The following ENOX1 variants were observed in gnomAD, a reference collection of about 807,000 sequenced individuals.
ENOX1 encodes ecto-NOX disulfide-thiol exchanger 1, also known as candidate growth-related and time keeping constitutive hydroquinone (NADH) oxidase.
In ENOX1, 42 loss-of-function variants were observed where a neutral mutation model predicts 82.5. The observed-to-expected ratio is 0.51, with a 90% CI of 0.40 to 0.66. The LOEUF (loss-of-function observed/expected upper bound fraction) is 0.66, where lower values mean the gene tolerates loss of function less well. ENOX1 is among the 30% of genes least tolerant of loss of function. The pLI is 0.00. For missense variants in ENOX1, 608 were observed against 811.6 expected (o/e 0.75, Z 3.05); for synonymous variants, 271 against 282.2 (o/e 0.96, Z 0.40).
At chr13:43,663,770 AT>A (rs1333731151) in intron 2 of ENOX1, among the ~76,000 whole-genome samples, 1 of 152,212 alleles carries the variant, frequency 6.6e-6, no homozygotes, top group African/African-American at 2.4e-5. Flanking sequence ...ATAATCGTAG[AT>A]TTAAAAAAAG....
intron 1 of ENOX1, among the ~76,000 whole-genome samples, chr13:43,751,461 C>A (rs748056392): frequency 6.6e-6 from 1 of 152,196 alleles, no homozygotes; most frequent in Non-Finnish European, 1.5e-5. Flanking sequence ...GTGAAACCAT[C>A]ATCACAATCA....
At chr13:43,541,785 T>C (rs528410916) in intron 2 of ENOX1, among the ~76,000 whole-genome samples, 13 of 152,338 alleles carry the variant, frequency 8.5e-5, no homozygotes, top group African/African-American at 2.9e-4. Context: ...ATGTTTGTAA[T>C]TGAAATAATA....
chr13:43,411,909 A>G lies in ENOX1; in HGVS notation c.208+7T>C, dbSNP rs2054151251. On this transcript the variant is annotated splice_region_variant and intron_variant, in intron 5 of 16. Coordinates refer to ENST00000690772, the MANE Select transcript of ENOX1 (RefSeq NM_001347969.2). ...GCAAGCATCTCTGAAACCAGGAGAAAGCTTACCAGACACGAGCTGCTGTCC... is the reference window on the plus strand; with the variant it reads ...GCAAGCATCTCTGAAACCAGGAGAAGGCTTACCAGACACGAGCTGCTGTCC... 2 of 1,614,106 alleles carry G rather than the reference A, an allele frequency of 1.2e-6. No individual in the cohort carries two copies. The highest frequency in any genetic ancestry group is 1.7e-6 in the Non-Finnish European group (2 of 1,179,960).
chr13:43,231,547 T>C (rs183126328), intron 15 of ENOX1, among the ~76,000 whole-genome samples: 2 of 152,356 alleles, frequency 1.3e-5, no homozygotes, highest in Admixed American at 6.5e-5. Flanking sequence ...ATTTTTTCGA[T>C]TAAACCCCTC....
intron 12 of ENOX1, among the ~76,000 whole-genome samples, chr13:43,286,138 G>A (rs957226272): frequency 7.9e-5 from 12 of 152,080 alleles, no homozygotes; most frequent in East Asian, 7.7e-4. Flanking sequence ...TGAATGAGTC[G>A]GCTTCTTGGC....
chr13:43,362,024 G>T (rs1441526879), intron 5 of ENOX1, among the ~76,000 whole-genome samples: 1 of 150,070 alleles, frequency 6.7e-6, no homozygotes, highest in African/African-American at 2.4e-5. Context: ...AATTACTATG[G>T]CTGGGTTAGA....
chr13:43,297,529 G>A (rs1475250505), intron 12 of ENOX1, among the ~76,000 whole-genome samples: 1 of 151,834 alleles, frequency 6.6e-6, no homozygotes, highest in Non-Finnish European at 1.5e-5. Flanking sequence ...TAACTCAAAG[G>A]CCCAAACACC....
At chr13:43,447,396 T>C (rs916773621) in intron 3 of ENOX1, among the ~76,000 whole-genome samples, 31 of 152,150 alleles carry the variant, frequency 2.0e-4, no homozygotes, top group African/African-American at 7.0e-4. Context: ...AGGATCAGCT[T>C]GGTTGGGCCC....
rs889942987 is a variant in ENOX1, at chr13:43,598,492, C to T, written c.-219+68987G>A. Reference sequence around the variant, plus strand: ...ATGTTCTGTGGTTTAGAAAGCGTGGCCATTTTCCTGAACCTACTCCATCTG... The same window carrying T: ...ATGTTCTGTGGTTTAGAAAGCGTGGTCATTTTCCTGAACCTACTCCATCTG... On this transcript the variant is annotated intron_variant, in intron 2 of 16. Coordinates refer to ENST00000690772, the MANE Select transcript of ENOX1 (RefSeq NM_001347969.2). Among the ~76,000 whole-genome samples, 79 of 152,230 alleles carry T rather than the reference C, an allele frequency of 5.2e-4. 1 individual carries two copies. Among genetic ancestry groups the T allele is most frequent in the African/African-American group, 1.8e-3 (75 of 41,550 alleles).
At chr13:43,344,855 T>C in intron 8 of ENOX1, 105 bp from the exon 9 acceptor site, 1 of 1,106,874 alleles carries the variant, frequency 9.0e-7, no homozygotes, top group Non-Finnish European at 1.3e-6. Context: ...AGTGGATATA[T>C]TTTCAGAACT....
intron 3 of ENOX1, among the ~76,000 whole-genome samples, chr13:43,479,212 A>C (rs974683457): frequency 1.3e-5 from 2 of 152,150 alleles, no homozygotes; most frequent in Non-Finnish European, 2.9e-5. Flanking sequence ...GAGAGCAGTT[A>C]GGCTGTAATC....
chr13:43,335,011 A>G (rs1352541877), intron 9 of ENOX1, among the ~76,000 whole-genome samples: 1 of 152,208 alleles, frequency 6.6e-6, no homozygotes, highest in African/African-American at 2.4e-5. Context: ...ACCTGAAGAA[A>G]GTGTCCATCT....
At chr13:43,640,699 A>G (rs2083599017) in intron 2 of ENOX1, among the ~76,000 whole-genome samples, 1 of 152,164 alleles carries the variant, frequency 6.6e-6, no homozygotes, top group Non-Finnish European at 1.5e-5. Flanking sequence ...GTACCTACCC[A>G]GCATCACCTG....
In ENOX1 at chr13:43,667,461, C is replaced by T. The variant is rs905448579; in HGVS notation, c.-219+18G>A. 4.8e-5 allele frequency: 47 copies of T among 985,360 alleles called. No individual in the cohort carries two copies. Among genetic ancestry groups the T allele is most frequent in the Non-Finnish European group, 4.8e-5 (40 of 829,900 alleles). The allele number at this position is 985,360 out of a possible 1,614,324, so 61.0% of individuals were successfully genotyped here. ...ACCAACCTGCTTGTTATTTGTGGTG[C>T]ACATACCATCCCTTTACCTGAGCAT... is the stretch of plus-strand genomic sequence containing the variant. On this transcript the variant is annotated intron_variant, in intron 2 of 16. Coordinates refer to ENST00000690772, the MANE Select transcript of ENOX1 (RefSeq NM_001347969.2).
At chr13:43,268,830 C>T (rs2044526580) in intron 13 of ENOX1, among the ~76,000 whole-genome samples, 1 of 152,212 alleles carries the variant, frequency 6.6e-6, no homozygotes, top group African/African-American at 2.4e-5. Flanking sequence ...CAAGAGCTCT[C>T]CTGGCTCCTC....
At chr13:43,522,535 T>G (rs1260115445) in intron 2 of ENOX1, among the ~76,000 whole-genome samples, 1 of 152,202 alleles carries the variant, frequency 6.6e-6, no homozygotes, top group East Asian at 1.9e-4. Flanking sequence ...GGAGATAAGA[T>G]TGGAACCAAG....
intron 5 of ENOX1, among the ~76,000 whole-genome samples, chr13:43,392,015 C>G (rs981211689): frequency 2.0e-5 from 3 of 152,158 alleles, no homozygotes; most frequent in Non-Finnish European, 4.4e-5. Context: ...CTTCTCCAAG[C>G]GAGTCAAGCT....
Position 43,361,370 on chromosome 13 carries a change from A to C in ENOX1, c.291T>G (p.Leu97=). The C allele has an allele frequency of 6.2e-7, 1 of 1,613,304 alleles. No individual in the cohort carries two copies. Among genetic ancestry groups the C allele is most frequent in the Non-Finnish European group, 8.5e-7 (1 of 1,179,562 alleles). ...TTGGTGGTGGGGGAGGTACCAGTCCAAGGCCTGGTATCATTGGGTTAATGG... is the reference window on the plus strand; with the variant it reads ...TTGGTGGTGGGGGAGGTACCAGTCCCAGGCCTGGTATCATTGGGTTAATGG... ...ITPINPMIPG[L]GLVPPPPPTE... is the part of the protein sequence containing the mutation. The change falls in exon 6 of 17, where the codon CTT becomes CTG. Residue 97 remains leucine (L), a synonymous_variant. Coordinates refer to ENST00000690772, the MANE Select transcript of ENOX1 (RefSeq NM_001347969.2).
chr13:43,347,102 C>T (rs750310316), intron 8 of ENOX1, among the ~76,000 whole-genome samples: 1 of 152,098 alleles, frequency 6.6e-6, no homozygotes, highest in Non-Finnish European at 1.5e-5. Flanking sequence ...CATAAATAGA[C>T]TAACTTTACT....
Sources: allele counts gnomAD v4.1 joint callset (sites outside exome capture counted in the v4.1 genomes callset), GRCh38; gene constraint gnomAD v4.1.1; transcripts MANE v1.5; gene names NCBI Gene and HGNC (gene_info 2026-07-23, HGNC 2026-07-21).